PDE1C: variants seen among roughly 807,000 people sequenced by gnomAD.
The protein encoded by PDE1C is phosphodiesterase 1C, also known as dual specificity calcium/calmodulin-dependent 3',5'-cyclic nucleotide phosphodiesterase 1C.
PDE1C carries 62 observed loss-of-function variants against 93.1 expected under a neutral mutation model. The ratio of observed to expected loss-of-function variants is 0.67; its 90% CI spans 0.54 to 0.82. The LOEUF (loss-of-function observed/expected upper bound fraction) is 0.82, where lower values mean the gene tolerates loss of function less well. Among genes scored for constraint, PDE1C ranks in the 40% least tolerant of loss-of-function variants. The pLI is 0.00. For missense variants in PDE1C, 742 were observed against 884.6 expected, an observed-to-expected ratio of 0.84 and a Z score of 2.04; for synonymous variants, 325 against 310.1, an observed-to-expected ratio of 1.05 and a Z score of -0.50.
chr7:32,340,517 CACACGCGAAGGA>C (rs1783727457), intron 1 of PDE1C, among the ~76,000 whole-genome samples: 2 of 152,158 alleles, frequency 1.3e-5, no homozygotes, highest in Non-Finnish European at 2.9e-5. Context: ...GACTTTGAAA[CACACGCGAAGGA>C]ATTTGTATCT....
chr7:32,366,588 T>C (rs1250293615), intron 1 of PDE1C, among the ~76,000 whole-genome samples: 1 of 152,112 alleles, frequency 6.6e-6, no homozygotes, highest in Non-Finnish European at 1.5e-5. Context: ...TCAAATAGAT[T>C]GAACCCAAAC....
chr7:32,415,407 C>T (rs778064154), intron 1 of PDE1C, among the ~76,000 whole-genome samples: 3 of 152,024 alleles, frequency 2.0e-5, no homozygotes, highest in Admixed American at 6.5e-5. Context: ...GCCGAGATCA[C>T]GCCACTGCAC....
chr7:31,712,619 T>C, the PDE1C span, among the ~76,000 whole-genome samples: 1 of 152,202 alleles, frequency 6.6e-6, no homozygotes, highest in Non-Finnish European at 1.5e-5. Context: ...TCTGGTGTCA[T>C]GGCTTCAGAA....
Position 32,142,711 on chromosome 7 carries a change from G to T in PDE1C, c.308+27074C>A, listed in dbSNP as rs963286911. ...GCTGGAAGCTAAGGCCTCTGAGATG[G>T]CAAAGCCCCACTATGGAAGCTGCCC... On this transcript the variant is annotated intron_variant, in intron 3 of 18. Coordinates refer to the PDE1C transcript ENST00000396193. Among the ~76,000 whole-genome samples, 3 of 152,116 alleles carry T rather than the reference G, an allele frequency of 2.0e-5. 1 individual carries two copies. In the South Asian group the frequency reaches 6.2e-4, roughly 32 times the overall value.
chr7:31,842,131 C>T (rs754725025), intron 9 of PDE1C, among the ~76,000 whole-genome samples: 4 of 151,976 alleles, frequency 2.6e-5, no homozygotes, highest in South Asian at 2.1e-4. Flanking sequence ...GAGGCCCAGG[C>T]GAGTTGATAC....
intron 16 of PDE1C, among the ~76,000 whole-genome samples, chr7:31,779,474 G>A (rs10951304): frequency 0.77 from 116,545 of 152,048 alleles, 46,269 homozygotes; most frequent in Non-Finnish European, 0.88. Flanking sequence ...TCCCCTTGGT[G>A]TCTTCTTTGC....
chr7:32,114,099 T>C (rs1175213774), intron 3 of PDE1C, among the ~76,000 whole-genome samples: 1 of 152,156 alleles, frequency 6.6e-6, no homozygotes, highest in East Asian at 1.9e-4. Flanking sequence ...AAACTACCAT[T>C]GCCATTCTTC....
chr7:31,677,964 A>T, the PDE1C span, among the ~76,000 whole-genome samples: 2 of 152,172 alleles, frequency 1.3e-5, no homozygotes, highest in Non-Finnish European at 2.9e-5. Flanking sequence ...ATATGTAAAA[A>T]GTAATAGCTT....
At chr7:31,804,335 TG>T (rs1786499622) in intron 16 of PDE1C, among the ~76,000 whole-genome samples, 1 of 151,854 alleles carries the variant, frequency 6.6e-6, no homozygotes, top group African/African-American at 2.4e-5. Context: ...ATCTGGCTAG[TG>T]GGAATAGGCA....
At chr7:31,636,950 T>A in the PDE1C span, among the ~76,000 whole-genome samples, 9 of 145,896 alleles carry the variant, frequency 6.2e-5, no homozygotes, top group African/African-American at 2.3e-4. Flanking sequence ...GTGTTCTTAT[T>A]GTTCAGTTCC....
intron 3 of PDE1C, among the ~76,000 whole-genome samples, chr7:32,126,751 C>T (rs993146630): frequency 1.3e-5 from 2 of 151,548 alleles, no homozygotes; most frequent in Admixed American, 6.6e-5. Context: ...TTTTACTACA[C>T]AAAAAAAGAG....
chr7:32,041,826 CTT>C (rs1035910400), intron 2 of PDE1C, among the ~76,000 whole-genome samples: 9 of 152,114 alleles, frequency 5.9e-5, no homozygotes, highest in Non-Finnish European at 1.2e-4. Flanking sequence ...AGAGCTTCAA[CTT>C]TTAGGTTAAG....
At chr7:32,114,164 G>A (rs544619109) in intron 3 of PDE1C, among the ~76,000 whole-genome samples, 111 of 151,910 alleles carry the variant, frequency 7.3e-4, no homozygotes, top group African/African-American at 2.5e-3. Flanking sequence ...AGACCCCATA[G>A]ACAATCCTAA....
At chr7:31,674,312 T>A in the PDE1C span, among the ~76,000 whole-genome samples, 1 of 152,190 alleles carries the variant, frequency 6.6e-6, no homozygotes, top group Non-Finnish European at 1.5e-5. Flanking sequence ...GAGATAGTTA[T>A]GCAATAAAGA....
chr7:31,681,071 C>T, the PDE1C span, among the ~76,000 whole-genome samples: 12 of 152,170 alleles, frequency 7.9e-5, no homozygotes, highest in African/African-American at 1.7e-4. Flanking sequence ...GAGGCCAAAA[C>T]ATCAGAAATA....
Position 32,155,155 on chromosome 7 carries a change from G to C in PDE1C, c.308+14630C>G, listed in dbSNP as rs542055980. Among the ~76,000 whole-genome samples the C allele has an allele frequency of 2.4e-4, 36 of 152,336 alleles. No individual in the cohort carries two copies. The East Asian group carries it at 6.4e-3, about 27-fold the overall frequency. ...CAAAACCAGAGAACACAGACCTTCT[G>C]CCTCATTGCTGGACCAGGGAGGCCG... On this transcript the variant is annotated intron_variant, in intron 3 of 18. Coordinates refer to the PDE1C transcript ENST00000396193.
At chr7:31,635,152 A>G in the PDE1C span, among the ~76,000 whole-genome samples, 6 of 152,188 alleles carry the variant, frequency 3.9e-5, no homozygotes, top group South Asian at 4.1e-4. Context: ...ATAATCCATC[A>G]TGGCCATTCT....
intron 1 of PDE1C, among the ~76,000 whole-genome samples, chr7:32,417,827 A>G (rs1215143790): frequency 1.5e-4 from 23 of 152,148 alleles, no homozygotes; most frequent in Admixed American, 1.4e-3. Context: ...TTTTACTTGT[A>G]TTTCAACTTT....
intron 2 of PDE1C, among the ~76,000 whole-genome samples, chr7:31,981,103 A>C (rs1422814305): frequency 6.6e-6 from 1 of 152,214 alleles, no homozygotes; most frequent in Non-Finnish European, 1.5e-5. Context: ...TGACTCTTAA[A>C]GTCTTTTCTC....
Sources: allele counts gnomAD v4.1 joint callset (sites outside exome capture counted in the v4.1 genomes callset), GRCh38; gene constraint gnomAD v4.1.1; transcripts MANE v1.5; gene names NCBI Gene and HGNC (gene_info 2026-07-23, HGNC 2026-07-21).